Variants in TMEM132B observed in about 807,000 individuals in gnomAD.
TMEM132B encodes the protein transmembrane protein 132B.
TMEM132B carries 18 observed loss-of-function variants against 90.8 expected under a neutral mutation model. The ratio of observed to expected loss-of-function variants is 0.20; its 90% CI spans 0.14 to 0.29. TMEM132B has a LOEUF of 0.29. Among genes scored for constraint, TMEM132B ranks in the 10% least tolerant of loss-of-function variants. The pLI, the probability that TMEM132B is intolerant of heterozygous loss-of-function variation, is 1.00. For missense variants in TMEM132B, 1,096 were observed against 1,326.8 expected, an observed-to-expected ratio of 0.83 and a Z score of 2.70; for synonymous variants, 504 against 523.3, an observed-to-expected ratio of 0.96 and a Z score of 0.50.
chr12:125,281,040 C>A (rs916443213), intron 1 of TMEM132B, among the ~76,000 whole-genome samples: 2 of 152,210 alleles, frequency 1.3e-5, no homozygotes, highest in African/African-American at 2.4e-5. Flanking sequence ...GGAATTACCA[C>A]ACAATGAACC....
In TMEM132B at chr12:125,374,217, G is replaced by A. The variant is rs112759821; in HGVS notation, c.959+23874G>A. 1.2e-4 allele frequency among the ~76,000 whole-genome samples: 19 copies of A among 152,332 alleles called. 1 individual carries two copies. Among genetic ancestry groups the A allele is most frequent in the African/African-American group, 3.8e-4 (16 of 41,572 alleles). On this transcript the variant is annotated intron_variant, in intron 2 of 8. Transcript: ENST00000682704. ...TGTTCCTCTTTAGGGATGTTCCTTT[G>A]GGATTGAAGCTATGAAGAACACTGT...
intron 1 of TMEM132B, among the ~76,000 whole-genome samples, chr12:125,221,279 A>T (rs1483927955): frequency 6.6e-6 from 1 of 152,200 alleles, no homozygotes; most frequent in East Asian, 1.9e-4. Context: ...TGCTCAGTAA[A>T]TACTAATGGA....
rs1174251619 is a variant in TMEM132B, at chr12:125,603,901, A to G, written c.1437+19907A>G. On this transcript the variant is annotated intron_variant, in intron 5 of 8. Coordinates refer to ENST00000682704, the MANE Select transcript of TMEM132B (RefSeq NM_001366854.1). Reference sequence around the variant, plus strand: ...CAAATCAAAACCACAATGAGATACCATCTCATGCTAGTCAGAATGGCAATT... The same window carrying G: ...CAAATCAAAACCACAATGAGATACCGTCTCATGCTAGTCAGAATGGCAATT... 3.9e-5 allele frequency among the ~76,000 whole-genome samples: 6 copies of G among 152,220 alleles called. No individual in the cohort carries two copies. The East Asian group carries it at 1.2e-3, about 29-fold the overall frequency.
chr12:125,194,557 C>CT (rs752222634), intron 1 of TMEM132B, among the ~76,000 whole-genome samples: 2 of 152,138 alleles, frequency 1.3e-5, no homozygotes, highest in Non-Finnish European at 2.9e-5. Context: ...GTCTGCGGCT[C>CT]TTTGTTTGCT....
chr12:125,608,661 A>C (rs1593019652), intron 5 of TMEM132B, among the ~76,000 whole-genome samples: 1 of 152,316 alleles, frequency 6.6e-6, no homozygotes, highest in African/African-American at 2.4e-5. Flanking sequence ...AAAAGTCATA[A>C]AGTTTTCCAC....
At chr12:125,612,394 T>C (rs1409353301) in intron 5 of TMEM132B, among the ~76,000 whole-genome samples, 3 of 151,320 alleles carry the variant, frequency 2.0e-5, no homozygotes, top group Admixed American at 2.0e-4. Context: ...ACCCGGGAGG[T>C]GGAGGTTGCA....
chr12:125,334,792 CT>C (rs1278871642), intron 1 of TMEM132B, among the ~76,000 whole-genome samples: 3 of 152,230 alleles, frequency 2.0e-5, no homozygotes, highest in Non-Finnish European at 4.4e-5. Flanking sequence ...TTCTCCTCTG[CT>C]TCTGTGCCAT....
intron 3 of TMEM132B, among the ~76,000 whole-genome samples, chr12:125,517,326 G>GGTTTTTTTTTTTTTT (rs1566060662): frequency 1.1e-5 from 1 of 88,032 alleles, no homozygotes; most frequent in African/African-American, 3.9e-5. Flanking sequence ...ATGCCCTGCT[G>GGTTTTTTTTTTTTTT]ATTTTTTTTT....
intron 5 of TMEM132B, among the ~76,000 whole-genome samples, chr12:125,612,405 G>T (rs1186384546): frequency 6.6e-6 from 1 of 151,714 alleles, no homozygotes; most frequent in Non-Finnish European, 1.5e-5. Flanking sequence ...GGAGGTTGCA[G>T]TGAGCTGAGA....
chr12:125,581,696 C>CA (rs1271346037), intron 4 of TMEM132B, among the ~76,000 whole-genome samples: 1 of 147,168 alleles, frequency 6.8e-6, no homozygotes, highest in African/African-American at 2.5e-5. Context: ...CCACCACACA[C>CA]AAAAAATACC....
At chr12:125,395,509 A>G (rs1421544630) in intron 2 of TMEM132B, among the ~76,000 whole-genome samples, 2 of 152,232 alleles carry the variant, frequency 1.3e-5, no homozygotes, top group Non-Finnish European at 2.9e-5. Context: ...CTCTGTGCTC[A>G]CAAGGGCAGT....
At chr12:125,314,264 G>T (rs771169478) in intron 1 of TMEM132B, among the ~76,000 whole-genome samples, 1 of 152,270 alleles carries the variant, frequency 6.6e-6, no homozygotes, top group Non-Finnish European at 1.5e-5. Flanking sequence ...ACAGTAACGA[G>T]GGCTCACCTT....
At chr12:125,299,308 T>C (rs1314946884) in intron 1 of TMEM132B, among the ~76,000 whole-genome samples, 8 of 152,184 alleles carry the variant, frequency 5.3e-5, no homozygotes, top group Non-Finnish European at 7.4e-5. Context: ...TGCTCTTCCC[T>C]GGGCCCTGGG....
intron 3 of TMEM132B, among the ~76,000 whole-genome samples, chr12:125,482,026 G>T (rs1270235002): frequency 6.6e-6 from 1 of 152,186 alleles, no homozygotes; most frequent in Non-Finnish European, 1.5e-5. Flanking sequence ...TTAATAAATG[G>T]TGCTGGGAAA....
At chr12:125,438,775 GT>G (rs35038906) in intron 3 of TMEM132B, among the ~76,000 whole-genome samples, 83,209 of 151,756 alleles carry the variant, frequency 0.55, 24,297 homozygotes, top group African/African-American at 0.77. Flanking sequence ...CACAGGCCGT[GT>G]TTTTTGGTGT....
intron 1 of TMEM132B, among the ~76,000 whole-genome samples, chr12:125,202,675 A>G (rs1307020454): frequency 1.3e-5 from 2 of 152,248 alleles, no homozygotes; most frequent in African/African-American, 2.4e-5. Flanking sequence ...ATGTTGAGCC[A>G]TTCTATCAGT....
intron 2 of TMEM132B, among the ~76,000 whole-genome samples, chr12:125,383,269 T>C (rs1190683919): frequency 6.6e-6 from 1 of 152,222 alleles, no homozygotes; most frequent in Admixed American, 6.5e-5. Context: ...GAGTTATTCA[T>C]GGACCACCTT....
chr12:125,349,964 C>T lies in TMEM132B; in HGVS notation c.580C>T (p.Leu194=). 1.9e-6 allele frequency: 3 copies of T among 1,614,212 alleles called. No homozygotes were observed. The highest frequency in any genetic ancestry group is 2.5e-6 in the Non-Finnish European group (3 of 1,180,046). The change falls in exon 2 of 9, where the codon CTG becomes TTG. Residue 194 remains leucine (L), a synonymous_variant. Transcript: ENST00000682704. The surrounding 1 kb of genome is among the most constrained non-coding windows in gnomAD (Gnocchi z 4.1). The stretch of plus-strand genomic sequence containing the variant: ...AGGGCTGTGTGTGGCTGAGCTGGAG[C>T]TGCTGCCCGAGTGGTTCAGCTCAGG... ...APGLCVAELE[L]LPEWFSSGLD... is the part of the protein sequence containing the mutation.
chr12:125,358,094 T>A (rs542297542), intron 2 of TMEM132B, among the ~76,000 whole-genome samples: 15 of 152,274 alleles, frequency 9.9e-5, no homozygotes, highest in South Asian at 2.1e-4. Context: ...CCTTGTTTTT[T>A]TTTGAAATCA....
Sources: gnomAD v4.1 joint callset for allele counts (sites outside exome capture counted in the v4.1 genomes callset) on GRCh38, gnomAD v4.1.1 for gene constraint, Gnocchi (gnomAD v3.1) non-coding constraint, MANE v1.5 for transcripts, NCBI Gene and HGNC (gene_info 2026-07-23, HGNC 2026-07-21) for gene names.